NECTIN3: variants seen among roughly 807,000 people sequenced by gnomAD.
NECTIN3 encodes nectin-3.
NECTIN3 carries 8 observed loss-of-function variants against 49.4 expected under a neutral mutation model. The ratio of observed to expected loss-of-function variants is 0.16; its 90% CI spans 0.10 to 0.29. NECTIN3 has a LOEUF of 0.29. NECTIN3 is among the 10% of genes least tolerant of loss of function. The probability of loss-of-function intolerance (pLI) is 1.00; values close to 1 mark genes in which losing one functional copy is unlikely to be tolerated. For missense variants in NECTIN3, 581 were observed against 654.6 expected, an observed-to-expected ratio of 0.89 and a Z score of 1.23; for synonymous variants, 277 against 241.1, an observed-to-expected ratio of 1.15 and a Z score of -1.38.
chr3:111,155,030 C>G (rs920916559), intron 7 of NECTIN3, among the ~76,000 whole-genome samples: 6 of 152,206 alleles, frequency 3.9e-5, no homozygotes, highest in African/African-American at 1.4e-4. Context: ...CTCCTACTCC[C>G]AGGTTCAAGC....
At position 111,122,269 on chromosome 3, in the gene NECTIN3, T is replaced by C. The variant is rs767844297; in HGVS notation, c.917+31T>C. On this transcript the variant is annotated intron_variant, in intron 4 of 5. Transcript: ENST00000485303. The stretch of plus-strand genomic sequence containing the variant: ...GTTATATACTTCGAAAGAGAAATTA[T>C]CTAAAAGTGAAACCTTCTTAAATCC... 37 of 1,495,828 alleles carry C rather than the reference T, an allele frequency of 2.5e-5. No individual in the cohort carries two copies. The East Asian group carries it at 5.0e-4, about 20-fold the overall frequency. 92.7% of individuals were successfully genotyped at this position (1,495,828 alleles called of 1,614,324 possible).
chr3:111,120,081 G>A (rs1027981155), intron 3 of NECTIN3, among the ~76,000 whole-genome samples: 11 of 152,038 alleles, frequency 7.2e-5, no homozygotes, highest in Non-Finnish European at 1.2e-4. Context: ...CTGGAGAATC[G>A]TGTTAAAATT....
At chr3:111,128,758 T>C (rs988878094) in intron 5 of NECTIN3, among the ~76,000 whole-genome samples, 3 of 152,220 alleles carry the variant, frequency 2.0e-5, no homozygotes, top group Non-Finnish European at 4.4e-5. Context: ...GTTCTTCAAC[T>C]CTTCTACTAC....
intron 2 of NECTIN3, among the ~76,000 whole-genome samples, chr3:111,115,260 A>C (rs72937912): frequency 0.027 from 4,174 of 152,286 alleles, 211 homozygotes; most frequent in African/African-American, 0.095. Context: ...TAAGTAATTT[A>C]TTGATTGTTC....
chr3:111,099,414 A>T (rs989436667), intron 1 of NECTIN3, among the ~76,000 whole-genome samples: 1 of 152,212 alleles, frequency 6.6e-6, no homozygotes, highest in African/African-American at 2.4e-5. Context: ...TTAACAAATT[A>T]CGTGGTCACT....
downstream of NECTIN3, among the ~76,000 whole-genome samples, chr3:111,139,925 G>T (rs1273036933): frequency 6.6e-6 from 1 of 151,742 alleles, no homozygotes; most frequent in African/African-American, 2.4e-5. Flanking sequence ...GAAACAATAT[G>T]ATTGCATTTC....
intron 2 of NECTIN3, among the ~76,000 whole-genome samples, chr3:111,117,148 A>G (rs2033720609): frequency 6.6e-6 from 1 of 152,136 alleles, no homozygotes; most frequent in South Asian, 2.1e-4. Context: ...AAAAAGTAAA[A>G]AAATGAATTC....
chr3:111,176,013 G>A (rs2035521578), intron 7 of NECTIN3, among the ~76,000 whole-genome samples: 1 of 152,170 alleles, frequency 6.6e-6, no homozygotes, highest in African/African-American at 2.4e-5. Flanking sequence ...ATCAGGTCAA[G>A]AAATGTCATC....
At chr3:111,186,759 C>T (rs2035727061) in intron 7 of NECTIN3, among the ~76,000 whole-genome samples, 1 of 152,106 alleles carries the variant, frequency 6.6e-6, no homozygotes, top group African/African-American at 2.4e-5. Context: ...TTTAGCAAAT[C>T]AGGAGAGTGA....
chr3:111,182,293 G>A (rs1352187379), intron 7 of NECTIN3, among the ~76,000 whole-genome samples: 2 of 152,018 alleles, frequency 1.3e-5, no homozygotes, highest in African/African-American at 4.8e-5. Flanking sequence ...TGAAACTAAC[G>A]TATGTTACGC....
chr3:111,072,436 G>C (rs529056778), intron 1 of NECTIN3: 14 of 1,533,582 alleles, frequency 9.1e-6, no homozygotes, highest in Non-Finnish European at 1.1e-5. Context: ...GAGGGTTGGC[G>C]ATGGTGCTTC....
At chr3:111,150,024 A>G (rs1020315963) in intron 7 of NECTIN3, among the ~76,000 whole-genome samples, 1 of 152,022 alleles carries the variant, frequency 6.6e-6, no homozygotes, top group South Asian at 2.1e-4. Context: ...GAAAACATAT[A>G]TAGTATTTTG....
At chr3:111,091,696 T>G (rs1363014975) in intron 1 of NECTIN3, among the ~76,000 whole-genome samples, 2 of 152,234 alleles carry the variant, frequency 1.3e-5, no homozygotes, top group Non-Finnish European at 2.9e-5. Flanking sequence ...GTCTGTCTAG[T>G]CATTAGTTGA....
chr3:111,105,275 T>C (rs962669575), intron 1 of NECTIN3, among the ~76,000 whole-genome samples: 1 of 152,014 alleles, frequency 6.6e-6, no homozygotes, highest in Non-Finnish European at 1.5e-5. Context: ...CCTGAATAGC[T>C]GGGGTGAGCC....
chr3:111,182,085 T>G (rs1440448306), intron 7 of NECTIN3, among the ~76,000 whole-genome samples: 2 of 152,112 alleles, frequency 1.3e-5, no homozygotes, highest in Non-Finnish European at 2.9e-5. Context: ...AGTTTATCTT[T>G]TATTTCTTTG....
chr3:111,160,499 G>A (rs1455373629), intron 7 of NECTIN3, among the ~76,000 whole-genome samples: 1 of 152,078 alleles, frequency 6.6e-6, no homozygotes. Flanking sequence ...AACCCAGTTG[G>A]ATTGGATTAT....
chr3:111,190,244 G>A (rs1406556058), upstream of NECTIN3, among the ~76,000 whole-genome samples: 4 of 152,120 alleles, frequency 2.6e-5, no homozygotes, highest in Admixed American at 2.6e-4. Context: ...TGATCATGTG[G>A]GAAGCACTGT....
At chr3:111,145,733 T>G (rs1301746347) in intron 6 of NECTIN3, among the ~76,000 whole-genome samples, 2 of 152,222 alleles carry the variant, frequency 1.3e-5, no homozygotes, top group African/African-American at 4.8e-5. Flanking sequence ...AAGATAATAT[T>G]TTATAAACTG....
intron 7 of NECTIN3, among the ~76,000 whole-genome samples, chr3:111,158,524 A>G (rs901664778): frequency 6.6e-6 from 1 of 152,142 alleles, no homozygotes; most frequent in Non-Finnish European, 1.5e-5. Flanking sequence ...CCTTTTTAGA[A>G]AAATGATGTA....
Sources: allele counts gnomAD v4.1 joint callset (sites outside exome capture counted in the v4.1 genomes callset), GRCh38; gene constraint gnomAD v4.1.1; transcripts MANE v1.5; gene names NCBI Gene and HGNC (gene_info 2026-07-23, HGNC 2026-07-21).